Variants in C12orf42 observed in about 807,000 individuals in gnomAD.
C12orf42 encodes uncharacterized protein C12orf42.
C12orf42 carries 25 observed loss-of-function variants against 21.6 expected under a neutral mutation model. The ratio of observed to expected loss-of-function variants is 1.16; its 90% CI spans 0.84 to 1.62. C12orf42 has a LOEUF of 1.62. Among genes scored for constraint, C12orf42 ranks in the 40% most tolerant of loss-of-function variants. The pLI, the probability that C12orf42 is intolerant of heterozygous loss-of-function variation, is 0.00. For missense variants in C12orf42, 483 were observed against 459.3 expected, an observed-to-expected ratio of 1.05 and a Z score of -0.47; for synonymous variants, 174 against 175.0, an observed-to-expected ratio of 0.99 and a Z score of 0.05.
chr12:103,164,488 G>A, the C12orf42 span: 3 of 451,874 alleles, frequency 6.6e-6, no homozygotes, highest in Admixed American at 4.8e-5. Flanking sequence ...GAATAAGTGA[G>A]TACATTTCTT....
At chr12:103,433,263 C>T (rs919587941) in intron 2 of C12orf42, among the ~76,000 whole-genome samples, 5 of 152,090 alleles carry the variant, frequency 3.3e-5, no homozygotes, top group Admixed American at 6.5e-5. Flanking sequence ...GATGAAAAAA[C>T]GTTTTTCTTT....
the C12orf42 span, among the ~76,000 whole-genome samples, chr12:103,116,381 A>T: frequency 0.12 from 16,840 of 136,472 alleles, 1,341 homozygotes; most frequent in East Asian, 0.42. Flanking sequence ...AAAAAAAAAA[A>T]ATATATATAT....
At chr12:103,507,100 A>ATT in the C12orf42 span, among the ~76,000 whole-genome samples, 1 of 12,586 alleles carries the variant, frequency 7.9e-5, no homozygotes, top group African/African-American at 1.0e-3. Flanking sequence ...TATATTATAT[A>ATT]TATAATATAA....
Position 103,294,583 on chromosome 12 carries a change from G to GGAAGGAAAGAAAGAAAGAAA in C12orf42, n.338-17374_338-17373insTTTCTTTCTTTCTTTCCTTC, listed in dbSNP as rs1300203895. On this transcript the variant is annotated intron_variant and non_coding_transcript_variant, in intron 4 of 6. Coordinates refer to the C12orf42 transcript ENST00000546526. ...AAAGAAAAAGAAAGGAAGGAAGGAA[G>GGAAGGAAAGAAAGAAAGAAA]GAAAGAAAGAAAGAAAGAAAGAAAG... Among the ~76,000 whole-genome samples, 40 of 80,354 alleles carry GGAAGGAAAGAAAGAAAGAAA rather than the reference G, an allele frequency of 5.0e-4. 1 individual carries two copies. The highest frequency in any genetic ancestry group is 9.9e-4 in the East Asian group (3 of 3,042). The allele number at this position is 80,354 out of a possible 152,430, so 52.7% of individuals were successfully genotyped here. A position where few individuals can be genotyped will look rare whatever the true frequency, so the allele number is the denominator to read the frequency against.
intron 2 of C12orf42, chr12:103,477,075 T>C (rs959479391): frequency 6.6e-6 from 1 of 152,188 alleles, no homozygotes; most frequent in Non-Finnish European, 1.5e-5. Context: ...ATAGCTCTTA[T>C]GTACCAGACA....
intron 1 of C12orf42, among the ~76,000 whole-genome samples, chr12:103,490,985 C>A (rs1319091): frequency 0.81 from 123,808 of 152,060 alleles, 50,523 homozygotes; most frequent in East Asian, 0.88. Context: ...ATCTATATGC[C>A]TGCATAAAAT....
intron 4 of C12orf42, among the ~76,000 whole-genome samples, chr12:103,281,217 T>G (rs985986312): frequency 3.3e-5 from 5 of 152,210 alleles, no homozygotes; most frequent in African/African-American, 1.2e-4. Flanking sequence ...TGAGATTATC[T>G]CTAAGTCTGA....
the C12orf42 span, chr12:103,505,755 C>T: frequency 4.8e-6 from 1 of 209,324 alleles, no homozygotes; most frequent in African/African-American, 2.4e-5. Context: ...TGTCACCACA[C>T]AGCTGATCAC....
chr12:103,277,856 T>C (rs1442446297), intron 4 of C12orf42, among the ~76,000 whole-genome samples: 1 of 152,166 alleles, frequency 6.6e-6, no homozygotes, highest in Non-Finnish European at 1.5e-5. Context: ...CCTGGCCTCG[T>C]GATCCACCTG....
chr12:103,249,087 G>A (rs1181782251), intron 10 of C12orf42, among the ~76,000 whole-genome samples: 3 of 151,952 alleles, frequency 2.0e-5, no homozygotes, highest in Admixed American at 1.3e-4. Flanking sequence ...GTGGAGGGAG[G>A]AATCAAGCTT....
At chr12:103,529,728 T>C in the C12orf42 span, among the ~76,000 whole-genome samples, 5 of 152,232 alleles carry the variant, frequency 3.3e-5, no homozygotes, top group South Asian at 1.0e-3. Flanking sequence ...CATTTCAACC[T>C]GCAATTTGCA....
chr12:103,097,240 T>G, the C12orf42 span, among the ~76,000 whole-genome samples: 60,884 of 151,886 alleles, frequency 0.4, 12,514 homozygotes, highest in East Asian at 0.52. Flanking sequence ...TAAAAATTGA[T>G]TGTGTTGAGC....
At chr12:103,552,042 T>A in the C12orf42 span, among the ~76,000 whole-genome samples, 1 of 151,412 alleles carries the variant, frequency 6.6e-6, no homozygotes, top group South Asian at 2.1e-4. Flanking sequence ...CTTTTTTTTT[T>A]AACTTAAACT....
the C12orf42 span, among the ~76,000 whole-genome samples, chr12:103,160,177 A>G: frequency 1.8e-4 from 27 of 152,222 alleles, no homozygotes; most frequent in African/African-American, 6.3e-4. Flanking sequence ...TCCATCATTG[A>G]TCCTTCCCAG....
the C12orf42 span, among the ~76,000 whole-genome samples, chr12:103,140,026 T>G: frequency 5.9e-5 from 9 of 152,128 alleles, no homozygotes; most frequent in Admixed American, 5.9e-4. Flanking sequence ...ACAAACAATC[T>G]GAGTGCTCAG....
At chr12:103,434,378 C>T (rs1197099513) in intron 2 of C12orf42, among the ~76,000 whole-genome samples, 2 of 152,158 alleles carry the variant, frequency 1.3e-5, no homozygotes, top group Non-Finnish European at 2.9e-5. Context: ...TTTTAAAAGC[C>T]TCACAGTGAA....
At chr12:103,136,982 A>C in the C12orf42 span, among the ~76,000 whole-genome samples, 1 of 152,168 alleles carries the variant, frequency 6.6e-6, no homozygotes, top group Non-Finnish European at 1.5e-5. Context: ...GGCAAAGATG[A>C]GGGCCTCAAG....
At chr12:103,234,764 T>C (rs947451427), downstream of C12orf42, among the ~76,000 whole-genome samples, 1 of 152,170 alleles carries the variant, frequency 6.6e-6, no homozygotes, top group African/African-American at 2.4e-5. Context: ...CCAGGTCCTT[T>C]ATGAGACATC....
chr12:103,380,846 C>T (rs1415751370), intron 3 of C12orf42, among the ~76,000 whole-genome samples: 1 of 152,094 alleles, frequency 6.6e-6, no homozygotes, highest in African/African-American at 2.4e-5. Context: ...GAAATCAGTA[C>T]TTTATTATCC....
Sources: allele counts gnomAD v4.1 joint callset (sites outside exome capture counted in the v4.1 genomes callset), GRCh38; gene constraint gnomAD v4.1.1; transcripts MANE v1.5; gene names NCBI Gene and HGNC (gene_info 2026-07-23, HGNC 2026-07-21).